The following CES5A variants were observed in gnomAD, a reference collection of about 807,000 sequenced individuals.
CES5A encodes the protein carboxylesterase 5A, also known as carboxylesterase 5.
CES5A carries 67 observed loss-of-function variants against 62.9 expected under a neutral mutation model. That is an observed-to-expected ratio of 1.07 (90% CI 0.88 to 1.31). The LOEUF is 1.31. Ranked by LOEUF, CES5A falls within the 50% of genes most tolerant of loss-of-function variation. The pLI is 0.00. For missense variants in CES5A, 748 were observed against 708.5 expected (o/e 1.06, Z -0.63); for synonymous variants, 296 against 280.8 (o/e 1.05, Z -0.54).
intron 1 of CES5A, among the ~76,000 whole-genome samples, chr16:55,902,395 C>T (rs781585120): frequency 2.0e-5 from 3 of 152,172 alleles, no homozygotes; most frequent in Non-Finnish European, 4.4e-5. Context: ...CAAGTTATTA[C>T]AATCATTAAC....
At chr16:55,877,827 A>G (rs1385861986), upstream of CES5A, among the ~76,000 whole-genome samples, 4 of 152,222 alleles carry the variant, frequency 2.6e-5, no homozygotes. Context: ...AATATCACAA[A>G]GCTGAGAAGC....
At chr16:55,938,795 T>TACACAC (rs1404212148) in intron 2 of CES5A, among the ~76,000 whole-genome samples, 1 of 56,420 alleles carries the variant, frequency 1.8e-5, no homozygotes, top group African/African-American at 8.3e-5. Context: ...TATATATATA[T>TACACAC]ATACACACAT....
intron 1 of CES5A, among the ~76,000 whole-genome samples, chr16:55,904,263 G>T (rs1453272522): frequency 6.6e-6 from 1 of 152,230 alleles, no homozygotes; most frequent in African/African-American, 2.4e-5. Context: ...GGGATTTGGG[G>T]CCAAAGCCAA....
upstream of CES5A, among the ~76,000 whole-genome samples, chr16:55,876,332 A>C (rs1189507927): frequency 4.6e-5 from 7 of 152,222 alleles, no homozygotes; most frequent in African/African-American, 1.7e-4. Context: ...AATAAGAAAG[A>C]GCTTTTGGGA....
At chr16:55,911,233 C>T (rs550339852) in intron 1 of CES5A, among the ~76,000 whole-genome samples, 53 of 152,246 alleles carry the variant, frequency 3.5e-4, no homozygotes, top group African/African-American at 1.2e-3. Context: ...TCTGTGCTCC[C>T]GCTTACAGAC....
chr16:55,916,443 CCCAGGAATGAGTGAAGACAG>C (rs2034149538), intron 1 of CES5A, among the ~76,000 whole-genome samples: 2 of 152,190 alleles, frequency 1.3e-5, no homozygotes, highest in Admixed American at 1.3e-4. Context: ...TTGGACTAAG[CCCAGGAATGAGTGAAGACAG>C]CCAGCCTATG....
At chr16:55,869,193 C>T (rs187482459) in intron 4 of CES5A, among the ~76,000 whole-genome samples, 7 of 152,274 alleles carry the variant, frequency 4.6e-5, no homozygotes, top group Admixed American at 2.0e-4. Flanking sequence ...CTGCCAATGG[C>T]GAGTGAACAG....
chr16:55,896,457 C>T (rs555063305), intron 1 of CES5A, among the ~76,000 whole-genome samples: 1 of 152,230 alleles, frequency 6.6e-6, no homozygotes, highest in Non-Finnish European at 1.5e-5. Flanking sequence ...CAGAGGTCCT[C>T]ATCAGATGCA....
At chr16:55,890,804 TAG>T (rs1231614537) in intron 1 of CES5A, among the ~76,000 whole-genome samples, 6 of 152,142 alleles carry the variant, frequency 3.9e-5, no homozygotes, top group African/African-American at 1.4e-4. Context: ...TTAGTTAATT[TAG>T]AGAGTTTATT....
At chr16:55,879,114 C>A (rs1240865160), upstream of CES5A, among the ~76,000 whole-genome samples, 5 of 148,984 alleles carry the variant, frequency 3.4e-5, no homozygotes, top group Non-Finnish European at 6.0e-5. Flanking sequence ...ACCACTGCAC[C>A]CCACCACTGC....
chr16:55,892,797 A>C (rs901027604), intron 1 of CES5A, among the ~76,000 whole-genome samples: 7 of 152,204 alleles, frequency 4.6e-5, no homozygotes, highest in Non-Finnish European at 1.0e-4. Flanking sequence ...GACACAGAGA[A>C]ACCTAACTGA....
In CES5A at chr16:55,861,439, G is replaced by C; in HGVS notation, c.888C>G (p.Pro296=). 5.6e-6 allele frequency: 9 copies of C among 1,613,684 alleles called. No individual in the cohort carries two copies. Among genetic ancestry groups the C allele is most frequent in the Non-Finnish European group, 7.6e-6 (9 of 1,179,606 alleles). Residue 296 remains proline, a synonymous_variant, in exon 7 of 13, where the codon CCC becomes CCG. Coordinates refer to ENST00000290567, the MANE Select transcript of CES5A (RefSeq NM_001143685.2). ...EALLRCLRTK[P]SKELLTLSQK... ...GGCTGAGGGTCAGCAGCTCCTTGGAGGGTTTTGTCCTCAGGCACCTCAGCA... is the reference window on the plus strand; with the variant it reads ...GGCTGAGGGTCAGCAGCTCCTTGGACGGTTTTGTCCTCAGGCACCTCAGCA...
intron 1 of CES5A, among the ~76,000 whole-genome samples, chr16:55,921,140 A>G (rs1378709242): frequency 1.3e-5 from 2 of 152,204 alleles, no homozygotes; most frequent in African/African-American, 4.8e-5. Flanking sequence ...TCAAAAGGCC[A>G]AATCTGAGAA....
intron 6 of CES5A, among the ~76,000 whole-genome samples, chr16:55,862,135 T>A (rs1358348527): frequency 1.3e-4 from 20 of 152,140 alleles, no homozygotes; most frequent in African/African-American, 4.1e-4. Context: ...CCCTTCCTCA[T>A]CCAATCTCCT....
At chr16:55,870,661 G>A (rs1284725265) in intron 3 of CES5A, among the ~76,000 whole-genome samples, 1 of 152,172 alleles carries the variant, frequency 6.6e-6, no homozygotes, top group Admixed American at 6.5e-5. Flanking sequence ...TTGCACAACT[G>A]CACTCCAGCC....
intron 1 of CES5A, among the ~76,000 whole-genome samples, chr16:55,885,717 ATGT>A (rs2033808993): frequency 6.6e-6 from 1 of 152,090 alleles, no homozygotes; most frequent in South Asian, 2.1e-4. Flanking sequence ...CTTGATGTAA[ATGT>A]TGTGACAGAC....
At chr16:55,905,080 C>T (rs999327082) in intron 1 of CES5A, among the ~76,000 whole-genome samples, 5 of 152,192 alleles carry the variant, frequency 3.3e-5, no homozygotes, top group Admixed American at 6.5e-5. Flanking sequence ...ACTTGAGTCT[C>T]AAGTTTTATA....
chr16:55,863,515 C>T lies in CES5A; in HGVS notation c.706-63G>A, dbSNP rs1280432070. The T allele has an allele frequency of 4.6e-6, 4 of 860,350 alleles. No individual in the cohort carries two copies. In the Admixed American group the frequency reaches 7.0e-5, roughly 15 times the overall value. The allele number at this position is 860,350 out of a possible 1,614,324, so 53.3% of individuals were successfully genotyped here. On this transcript the variant is annotated intron_variant, in intron 5 of 12. Transcript: ENST00000290567. ...CCCCACCAACACACATACCATTCATCCCTCTTCAAAGAAACCTTCCCAGGA... is the reference window on the plus strand; with the variant it reads ...CCCCACCAACACACATACCATTCATTCCTCTTCAAAGAAACCTTCCCAGGA...
At chr16:55,918,040 T>C (rs78014965) in intron 1 of CES5A, among the ~76,000 whole-genome samples, 1,720 of 152,282 alleles carry the variant, frequency 0.011, 59 homozygotes, top group East Asian at 0.1. Flanking sequence ...AAGTAGGAAG[T>C]GAAGCAGCAG....
Sources: gnomAD v4.1 joint callset for allele counts (sites outside exome capture counted in the v4.1 genomes callset) on GRCh38, gnomAD v4.1.1 for gene constraint, MANE v1.5 for transcripts, NCBI Gene and HGNC (gene_info 2026-07-23, HGNC 2026-07-21) for gene names.